MSRA: variants seen among roughly 807,000 people sequenced by gnomAD.
The protein encoded by MSRA is mitochondrial peptide methionine sulfoxide reductase.
MSRA carries 54 observed loss-of-function variants against 31.3 expected under a neutral mutation model. The ratio of observed to expected loss-of-function variants is 1.73; its 90% CI spans 1.39 to 2.17. The LOEUF is 2.17. Among genes scored for constraint, MSRA ranks in the 30% most tolerant of loss-of-function variants. The probability of loss-of-function intolerance (pLI) is 0.00; values close to 1 mark genes in which losing one functional copy is unlikely to be tolerated. For synonymous variants in MSRA, 169 were observed against 116.5 expected, an observed-to-expected ratio of 1.45 and a Z score of -2.90; for missense variants, 507 against 300.9, an observed-to-expected ratio of 1.69 and a Z score of -5.07.
intron 1 of MSRA, among the ~76,000 whole-genome samples, chr8:10,122,829 C>T (rs981079718): frequency 3.3e-5 from 5 of 152,080 alleles, no homozygotes; most frequent in Non-Finnish European, 7.4e-5. Flanking sequence ...GGATAATATC[C>T]GCCAGCTCCA....
intron 3 of MSRA, among the ~76,000 whole-genome samples, chr8:10,297,983 T>A (rs1254042571): frequency 2.0e-5 from 3 of 152,206 alleles, no homozygotes; most frequent in Non-Finnish European, 4.4e-5. Context: ...GCTTCAGGTT[T>A]CTCCATTCAG....
At chr8:10,362,264 C>A (rs1001643451) in intron 5 of MSRA, among the ~76,000 whole-genome samples, 8 of 152,104 alleles carry the variant, frequency 5.3e-5, no homozygotes, top group Non-Finnish European at 2.9e-5. Flanking sequence ...ATCGTCCTTA[C>A]TTAGGAGCAC....
At chr8:10,092,466 G>T (rs1255760709) in intron 1 of MSRA, among the ~76,000 whole-genome samples, 2 of 152,062 alleles carry the variant, frequency 1.3e-5, no homozygotes, top group Admixed American at 1.3e-4. Flanking sequence ...AGACCATCCT[G>T]GCCAACATGT....
At chr8:10,092,878 G>A (rs1042898561) in intron 1 of MSRA, among the ~76,000 whole-genome samples, 1 of 152,108 alleles carries the variant, frequency 6.6e-6, no homozygotes, top group Admixed American at 6.5e-5. Context: ...CTGTTCTTAT[G>A]TATGTTTATA....
At chr8:10,198,163 T>A (rs920934166) in intron 1 of MSRA, among the ~76,000 whole-genome samples, 21 of 152,172 alleles carry the variant, frequency 1.4e-4, no homozygotes, top group African/African-American at 5.1e-4. Flanking sequence ...AATATTTGCT[T>A]AAGAAAAATT....
At chr8:10,282,559 G>A (rs1416003445) in intron 3 of MSRA, among the ~76,000 whole-genome samples, 3 of 152,108 alleles carry the variant, frequency 2.0e-5, no homozygotes, top group South Asian at 2.1e-4. Flanking sequence ...TGTAGCCTCC[G>A]GTGACAGAGC....
intron 3 of MSRA, among the ~76,000 whole-genome samples, chr8:10,253,280 C>G (rs574865718): frequency 2.6e-5 from 4 of 152,188 alleles, no homozygotes; most frequent in African/African-American, 9.7e-5. Context: ...TATGGACTCT[C>G]TAAAGACTAT....
intron 3 of MSRA, among the ~76,000 whole-genome samples, chr8:10,274,967 A>T (rs1297321640): frequency 6.6e-6 from 1 of 152,192 alleles, no homozygotes; most frequent in Non-Finnish European, 1.5e-5. Flanking sequence ...CAATTAAACT[A>T]ATATTATTTG....
intron 1 of MSRA, among the ~76,000 whole-genome samples, chr8:10,079,279 C>T (rs1055066262): frequency 4.6e-5 from 7 of 152,116 alleles, no homozygotes; most frequent in Non-Finnish European, 1.0e-4. Flanking sequence ...CCATCTCAGC[C>T]TCCCACATAG....
At chr8:10,064,473 T>A (rs533266534) in intron 1 of MSRA, among the ~76,000 whole-genome samples, 1 of 152,296 alleles carries the variant, frequency 6.6e-6, no homozygotes, top group Non-Finnish European at 1.5e-5. Flanking sequence ...CACTAACTTG[T>A]TGAACAAGTA....
At chr8:10,061,358 A>T (rs1802710342) in intron 1 of MSRA, among the ~76,000 whole-genome samples, 2 of 152,150 alleles carry the variant, frequency 1.3e-5, no homozygotes, top group South Asian at 4.1e-4. Context: ...TCAAGGAAGC[A>T]TCCTTGAAAT....
chr8:10,150,576 G>A (rs566647823), intron 1 of MSRA, among the ~76,000 whole-genome samples: 1 of 152,232 alleles, frequency 6.6e-6, no homozygotes, highest in South Asian at 2.1e-4. Context: ...GTTAATATAT[G>A]ACCTCAAATC....
intron 1 of MSRA, among the ~76,000 whole-genome samples, chr8:10,064,012 G>A (rs1797335842): frequency 6.6e-6 from 1 of 152,138 alleles, no homozygotes; most frequent in Non-Finnish European, 1.5e-5. Context: ...GGGCTTTGGG[G>A]CTCTGTTTTG....
intron 1 of MSRA, among the ~76,000 whole-genome samples, chr8:10,114,670 G>A (rs1800551303): frequency 6.6e-6 from 1 of 152,108 alleles, no homozygotes; most frequent in Non-Finnish European, 1.5e-5. Context: ...GGTGGCAAGT[G>A]GATAATTGAA....
intron 3 of MSRA, among the ~76,000 whole-genome samples, chr8:10,258,185 G>A (rs4276692): frequency 0.23 from 34,689 of 152,060 alleles, 4,737 homozygotes; most frequent in Admixed American, 0.34. Flanking sequence ...ATTAGTAAGC[G>A]GCAGAGCCAG....
intron 4 of MSRA, among the ~76,000 whole-genome samples, chr8:10,302,426 GCAGT>G (rs1200106351): frequency 6.6e-5 from 10 of 152,340 alleles, no homozygotes; most frequent in Admixed American, 5.2e-4. Flanking sequence ...TCTTCATTTG[GCAGT>G]CAGTCTATTT....
At chr8:10,098,525 G>C (rs1276889295) in intron 1 of MSRA, among the ~76,000 whole-genome samples, 3 of 152,012 alleles carry the variant, frequency 2.0e-5, no homozygotes, top group African/African-American at 7.3e-5. Flanking sequence ...AGTTATTTTG[G>C]GTAACGGGGA....
At chr8:10,222,202 T>G (rs1810575253) in intron 2 of MSRA, among the ~76,000 whole-genome samples, 1 of 152,162 alleles carries the variant, frequency 6.6e-6, no homozygotes, top group Admixed American at 6.5e-5. Flanking sequence ...TTTTGGCTTT[T>G]GAACGTAACT....
At chr8:10,293,400 C>G (rs573350627) in intron 3 of MSRA, among the ~76,000 whole-genome samples, 2 of 152,344 alleles carry the variant, frequency 1.3e-5, no homozygotes, top group African/African-American at 4.8e-5. Context: ...TCTGCCGTGA[C>G]CGCTTCCTCC....
Sources: allele counts gnomAD v4.1 joint callset (sites outside exome capture counted in the v4.1 genomes callset), GRCh38; gene constraint gnomAD v4.1.1; transcripts MANE v1.5; gene names NCBI Gene and HGNC (gene_info 2026-07-23, HGNC 2026-07-21).